CTNND2: variants seen among roughly 807,000 people sequenced by gnomAD.
CTNND2 encodes the protein catenin delta-2.
In CTNND2, 22 loss-of-function variants were observed where a neutral mutation model predicts 144.4. The ratio of observed to expected loss-of-function variants is 0.15; its 90% CI spans 0.11 to 0.22. The LOEUF (loss-of-function observed/expected upper bound fraction) is 0.22. Ranked by LOEUF, CTNND2 falls within the 10% of genes least tolerant of loss-of-function variation. CTNND2 has a pLI of 1.00. For missense variants in CTNND2, 1,353 were observed against 1,618.8 expected, an observed-to-expected ratio of 0.84 and a Z score of 2.82; for synonymous variants, 751 against 695.6, an observed-to-expected ratio of 1.08 and a Z score of -1.25.
chr5:11,490,129 G>C lies in CTNND2; in HGVS notation c.287+74815C>G, dbSNP rs143990571. Among the ~76,000 whole-genome samples, 1,440 of 152,186 alleles carry C rather than the reference G, an allele frequency of 9.5e-3. 13 individuals carry two copies. Among genetic ancestry groups the C allele is most frequent in the South Asian group, 0.024 (117 of 4,820 alleles). ...TTCTGTCTTTATTGTTTTAACATTT[G>C]GCTTTTTGCTACACAGAGCTTGCAA... On this transcript the variant is annotated intron_variant, in intron 3 of 21. Coordinates refer to ENST00000304623, the MANE Select transcript of CTNND2 (RefSeq NM_001332.4).
At chr5:11,230,246 T>G in intron 10 of CTNND2, among the ~76,000 whole-genome samples, 2 of 143,352 alleles carry the variant, frequency 1.4e-5, no homozygotes, top group East Asian at 2.2e-4. Context: ...AGGGATAGCA[T>G]TGGGAGATAT....
chr5:11,722,590 A>G (rs1283523764), intron 2 of CTNND2, among the ~76,000 whole-genome samples: 1 of 152,218 alleles, frequency 6.6e-6, no homozygotes, highest in Non-Finnish European at 1.5e-5. Flanking sequence ...GGCCTCAGAA[A>G]ACTTACAATC....
chr5:11,197,071 C>T (rs960833086), intron 11 of CTNND2, among the ~76,000 whole-genome samples: 2 of 152,166 alleles, frequency 1.3e-5, no homozygotes, highest in African/African-American at 4.8e-5. Context: ...ACTAGACTGG[C>T]TTACAGTAGC....
At chr5:11,508,340 T>C (rs1771279447) in intron 3 of CTNND2, 1 of 152,220 alleles carries the variant, frequency 6.6e-6, no homozygotes, top group African/African-American at 2.4e-5. Context: ...CCCTTGCTGT[T>C]CTGATGATGC....
intron 11 of CTNND2, among the ~76,000 whole-genome samples, chr5:11,196,857 C>T (rs1203187917): frequency 4.6e-5 from 7 of 152,238 alleles, no homozygotes; most frequent in African/African-American, 1.7e-4. Context: ...GCATCCAAGG[C>T]TTGGTCAACA....
intron 1 of CTNND2, among the ~76,000 whole-genome samples, chr5:11,765,758 T>G (rs899027528): frequency 1.3e-5 from 2 of 152,148 alleles, no homozygotes; most frequent in African/African-American, 2.4e-5. Context: ...GGCCTTTTGA[T>G]AGACATAGGT....
At chr5:11,765,314 G>A (rs1789519000) in intron 1 of CTNND2, among the ~76,000 whole-genome samples, 1 of 152,220 alleles carries the variant, frequency 6.6e-6, no homozygotes, top group African/African-American at 2.4e-5. Flanking sequence ...AAGCCGCTCA[G>A]GGGGAAGGTG....
intron 9 of CTNND2, among the ~76,000 whole-genome samples, chr5:11,250,789 T>C (rs549373835): frequency 1.3e-5 from 2 of 152,082 alleles, no homozygotes; most frequent in South Asian, 2.1e-4. Flanking sequence ...AGTGCTGGGA[T>C]TACAAGCGTG....
At chr5:11,350,534 C>G (rs889168667) in intron 8 of CTNND2, among the ~76,000 whole-genome samples, 1 of 152,102 alleles carries the variant, frequency 6.6e-6, no homozygotes, top group African/African-American at 2.4e-5. Context: ...TCAGCCTTGT[C>G]AAATGGTCTT....
chr5:11,730,646 C>A (rs1372873128), intron 2 of CTNND2, among the ~76,000 whole-genome samples: 1 of 152,186 alleles, frequency 6.6e-6, no homozygotes, highest in African/African-American at 2.4e-5. Context: ...AAACAACCAG[C>A]CACAGGCTTC....
chr5:11,350,062 G>A (rs1459585630), intron 8 of CTNND2, among the ~76,000 whole-genome samples: 1 of 152,106 alleles, frequency 6.6e-6, no homozygotes, highest in Non-Finnish European at 1.5e-5. Context: ...GCTTGAACCC[G>A]GGAGGCGGAG....
intron 1 of CTNND2, among the ~76,000 whole-genome samples, chr5:11,895,989 G>C (rs1266062677): frequency 6.9e-6 from 1 of 145,486 alleles, no homozygotes; most frequent in Non-Finnish European, 1.6e-5. Context: ...GTACACTCCT[G>C]CCTTGCTGAG....
At chr5:11,633,746 A>T (rs1048386827) in intron 2 of CTNND2, among the ~76,000 whole-genome samples, 14 of 150,332 alleles carry the variant, frequency 9.3e-5, no homozygotes, top group Admixed American at 3.3e-4. Context: ...AATGTACTCC[A>T]GTCTGGGTGA....
At chr5:11,598,684 A>C (rs779697757) in intron 2 of CTNND2, among the ~76,000 whole-genome samples, 2 of 152,176 alleles carry the variant, frequency 1.3e-5, no homozygotes, top group Non-Finnish European at 2.9e-5. Context: ...AGCTGGGAAA[A>C]TATATCTTCT....
At chr5:11,858,494 A>C (rs1795348585) in intron 1 of CTNND2, among the ~76,000 whole-genome samples, 1 of 152,158 alleles carries the variant, frequency 6.6e-6, no homozygotes, top group Non-Finnish European at 1.5e-5. Flanking sequence ...TATTCCTTGT[A>C]CTTTTACCAA....
chr5:11,892,330 C>T (rs959112019), intron 1 of CTNND2, among the ~76,000 whole-genome samples: 5 of 152,136 alleles, frequency 3.3e-5, no homozygotes, highest in South Asian at 2.1e-4. Context: ...AATCAATGTA[C>T]GAACAGTCCT....
chr5:11,249,938 A>G (rs1743389261), intron 9 of CTNND2, among the ~76,000 whole-genome samples: 1 of 152,068 alleles, frequency 6.6e-6, no homozygotes, highest in South Asian at 2.1e-4. Flanking sequence ...ATATTTGGGC[A>G]TATTCTTAAT....
At chr5:11,288,119 C>T (rs939853150) in intron 9 of CTNND2, among the ~76,000 whole-genome samples, 14 of 152,240 alleles carry the variant, frequency 9.2e-5, no homozygotes, top group South Asian at 8.3e-4. Flanking sequence ...AGATGCATTG[C>T]GGCAGGTTAT....
chr5:11,378,432 C>T (rs556979241), intron 7 of CTNND2, among the ~76,000 whole-genome samples: 2 of 152,286 alleles, frequency 1.3e-5, no homozygotes, highest in African/African-American at 4.8e-5. Flanking sequence ...GCAAGTCAGC[C>T]TTAACCACCT....
Sources: allele counts gnomAD v4.1 joint callset (sites outside exome capture counted in the v4.1 genomes callset), GRCh38; gene constraint gnomAD v4.1.1; transcripts MANE v1.5; gene names NCBI Gene and HGNC (gene_info 2026-07-23, HGNC 2026-07-21).